Variants in ZNF280D observed in about 807,000 individuals in gnomAD.
ZNF280D encodes zinc finger protein 280D, also known as suppressor of hairy wing homolog 4.
Under a neutral mutation model 94.7 loss-of-function variants are expected in ZNF280D, and 39 were observed. The observed-to-expected ratio is 0.41, with a 90% CI of 0.32 to 0.54. The LOEUF is 0.54. ZNF280D is among the 20% of genes least tolerant of loss of function. The pLI, the probability that ZNF280D is intolerant of heterozygous loss-of-function variation, is 0.22. For synonymous variants in ZNF280D, 398 were observed against 377.6 expected (o/e 1.05, Z -0.63); for missense variants, 1,090 against 1,149.3 (o/e 0.95, Z 0.75).
chr15:56,682,480 G>C lies in ZNF280D; in HGVS notation c.781-3C>G. 10 of 475,122 alleles carry C rather than the reference G, an allele frequency of 2.1e-5. No individual in the cohort carries two copies. The highest frequency in any genetic ancestry group is 3.1e-5 in the Non-Finnish European group (10 of 322,202). The allele number at this position is 475,122 out of a possible 1,614,324, so 29.4% of individuals were successfully genotyped here. On this transcript the variant is annotated splice_polypyrimidine_tract_variant and splice_region_variant and intron_variant, in intron 9 of 21. Transcript: ENST00000267807. ...TTTATCATGTCTGGACAACAATACT[G>C]AAAGAGAAAAAAAAAAAAAAAAAAC...
intron 13 of ZNF280D, among the ~76,000 whole-genome samples, chr15:56,669,888 T>TATATA (rs371784062): frequency 4.2e-4 from 2 of 4,768 alleles, no homozygotes; most frequent in Admixed American, 5.3e-3. Flanking sequence ...TATATATATA[T>TATATA]TATATATATA....
chr15:56,675,377 G>C (rs1184831912), intron 13 of ZNF280D, among the ~76,000 whole-genome samples: 3 of 151,352 alleles, frequency 2.0e-5, no homozygotes, highest in Non-Finnish European at 2.9e-5. Context: ...GGGGTATCAA[G>C]AATAGTGTTT....
At chr15:56,723,605 C>A (rs2058484226) in intron 1 of ZNF280D, among the ~76,000 whole-genome samples, 2 of 152,088 alleles carry the variant, frequency 1.3e-5, no homozygotes, top group African/African-American at 4.8e-5. Context: ...TCCTTCTGAT[C>A]TTGAATCCCT....
intron 13 of ZNF280D, among the ~76,000 whole-genome samples, chr15:56,673,305 T>C (rs2054991027): frequency 6.6e-6 from 1 of 152,058 alleles, no homozygotes; most frequent in African/African-American, 2.4e-5. Context: ...TTATTCAGTC[T>C]TCCCCATATC....
rs376725008 is a variant in ZNF280D at position 56,661,809 on chromosome 15, C to A, written c.1995-3323G>T. ...TGACAACTTAGAAATTAATAGCTAT[C>A]ATTACTTGAATATCTCTTAAGTGCA... On this transcript the variant is annotated intron_variant, in intron 16 of 21. Coordinates refer to ENST00000267807, the MANE Select transcript of ZNF280D (RefSeq NM_017661.4). Among the ~76,000 whole-genome samples the A allele has an allele frequency of 2.4e-4, 37 of 152,276 alleles. No individual in the cohort carries two copies. The South Asian group carries it at 7.3e-3, about 30-fold the overall frequency.
chr15:56,651,858 T>C (rs535004854), intron 19 of ZNF280D, among the ~76,000 whole-genome samples: 4 of 152,326 alleles, frequency 2.6e-5, no homozygotes, highest in African/African-American at 7.2e-5. Context: ...ATATGAAGGA[T>C]TGACTGTACT....
At chr15:56,719,618 T>C (rs1483366254) in intron 1 of ZNF280D, among the ~76,000 whole-genome samples, 3 of 152,070 alleles carry the variant, frequency 2.0e-5, no homozygotes, top group Admixed American at 1.3e-4. Flanking sequence ...CTCATCTAAG[T>C]CCCAGTCCTT....
Position 56,631,282 on chromosome 15 carries a change from G to T in ZNF280D, c.*216C>A. The T allele has an allele frequency of 6.5e-6, 3 of 460,656 alleles. No homozygotes were observed. The highest frequency in any genetic ancestry group is 1.2e-5 in the Non-Finnish European group (3 of 260,868). 28.5% of individuals were successfully genotyped at this position (460,656 alleles called of 1,614,324 possible). A position where few individuals can be genotyped will look rare whatever the true frequency, so the allele number is the denominator to read the frequency against. On this transcript the variant is annotated 3_prime_UTR_variant, in exon 22 of 22. Coordinates refer to ENST00000267807, the MANE Select transcript of ZNF280D (RefSeq NM_017661.4). ...TTTAATTATCATTAAAATCCTGTTC[G>T]TGTTTTTAAAAACTTTTTGGGAATC...
rs149774222 is a variant in ZNF280D, at chr15:56,665,396, T to C, written c.1994+999A>G. On this transcript the variant is annotated intron_variant, in intron 16 of 21. Transcript: ENST00000267807. ...CTGAAGGAATAAAGTATTCCCCTAA[T>C]GAGATCTAAAAATGAAAATAATGCA... 1.2e-4 allele frequency among the ~76,000 whole-genome samples: 19 copies of C among 152,264 alleles called. 1 individual carries two copies. In the East Asian group the frequency reaches 3.5e-3, roughly 28 times the overall value.
At position 56,631,705 on chromosome 15, in the gene ZNF280D, G is replaced by A. The variant is rs1336315800; in HGVS notation, c.2733C>T (p.Ser911=). 3.7e-6 allele frequency: 6 copies of A among 1,614,062 alleles called. No homozygotes were observed. Among genetic ancestry groups the A allele is most frequent in the Non-Finnish European group, 3.4e-6 (4 of 1,180,000 alleles). The change falls in exon 22 of 22, where the codon AGC becomes AGT. Residue 911 remains serine (S), a synonymous_variant. Transcript: ENST00000267807. ...HEPESVSSDV[S]EQGSIHLEPL... ...GTTCCAAATGAATACTGCCTTGCTC[G>A]CTAACATCAGAACTAACAGATTCAG...
Position 56,666,596 on chromosome 15 carries a change from G to C in ZNF280D, c.1854-61C>G, listed in dbSNP as rs368187224. The C allele has an allele frequency of 1.2e-4, 183 of 1,519,000 alleles. 1 individual carries two copies. The South Asian group carries it at 2.2e-3, about 19-fold the overall frequency. The allele number at this position is 1,519,000 out of a possible 1,614,324, so 94.1% of individuals were successfully genotyped here. A position where few individuals can be genotyped will look rare whatever the true frequency, so the allele number is the denominator to read the frequency against. ...TTTAAAACAAAAATAATAAGGAAGA[G>C]CCTTAATAATGTTCTCTTAACTAAA... On this transcript the variant is annotated intron_variant, in intron 15 of 21. Transcript: ENST00000267807.
intron 1 of ZNF280D, 89 bp downstream of exon 1, chr15:56,733,369 C>T: frequency 1.2e-6 from 1 of 803,220 alleles, no homozygotes; most frequent in Non-Finnish European, 1.5e-6. Context: ...ACCCCCAGTC[C>T]AGCGCCCCCG....
chr15:56,731,675 C>T (rs955372314), intron 1 of ZNF280D, among the ~76,000 whole-genome samples: 1 of 152,094 alleles, frequency 6.6e-6, no homozygotes, highest in East Asian at 1.9e-4. Flanking sequence ...AAAATACATA[C>T]TGACACACAT....
intron 3 of ZNF280D, 72 bp downstream of exon 3, chr15:56,707,010 T>G (rs2057445371): frequency 1.4e-6 from 2 of 1,464,474 alleles, no homozygotes; most frequent in Middle Eastern, 1.8e-4. Flanking sequence ...CTCCCAACTT[T>G]CATCCTTTCT....
intron 1 of ZNF280D, among the ~76,000 whole-genome samples, chr15:56,727,085 C>T (rs376935388): frequency 2.6e-5 from 4 of 152,148 alleles, no homozygotes; most frequent in African/African-American, 2.4e-5. Context: ...TGGAAAATAA[C>T]GGTTATTTTA....
chr15:56,673,976 G>A (rs1479537530), intron 13 of ZNF280D, among the ~76,000 whole-genome samples: 1 of 151,930 alleles, frequency 6.6e-6, no homozygotes, highest in Non-Finnish European at 1.5e-5. Flanking sequence ...CTTATTGCCA[G>A]CATATACATT....
chr15:56,709,777 A>G (rs2057650455), intron 1 of ZNF280D, among the ~76,000 whole-genome samples: 1 of 152,098 alleles, frequency 6.6e-6, no homozygotes, highest in Non-Finnish European at 1.5e-5. Flanking sequence ...CAAACACTAC[A>G]TGTTCTCACT....
intron 1 of ZNF280D, among the ~76,000 whole-genome samples, chr15:56,716,264 A>T (rs1385493642): frequency 1.3e-5 from 2 of 152,158 alleles, no homozygotes; most frequent in Non-Finnish European, 2.9e-5. Flanking sequence ...AGAGATGTAA[A>T]ATGACAATGG....
intron 1 of ZNF280D, chr15:56,724,858 C>T: frequency 2.2e-6 from 1 of 453,810 alleles, no homozygotes; most frequent in Non-Finnish European, 4.4e-6. Context: ...TTTTTCTATT[C>T]AATAACGTTG....
Sources: allele counts gnomAD v4.1 joint callset (sites outside exome capture counted in the v4.1 genomes callset), GRCh38; gene constraint gnomAD v4.1.1; transcripts MANE v1.5; gene names NCBI Gene and HGNC (gene_info 2026-07-23, HGNC 2026-07-21).